The following MCPH1 variants were observed in gnomAD, a reference collection of about 807,000 sequenced individuals.
The protein encoded by MCPH1 is microcephalin.
A neutral mutation model predicts 84.5 loss-of-function variants in MCPH1; 104 were observed. The observed-to-expected ratio is 1.23, with a 90% CI of 1.05 to 1.45. The LOEUF (loss-of-function observed/expected upper bound fraction) is 1.45. Ranked by LOEUF, MCPH1 falls within the 40% of genes most tolerant of loss-of-function variation. The probability of loss-of-function intolerance (pLI) is 0.00; values close to 1 mark genes in which losing one functional copy is unlikely to be tolerated. For synonymous variants in MCPH1, 514 were observed against 366.8 expected (o/e 1.40, Z -4.58); for missense variants, 1,498 against 1,005.7 (o/e 1.49, Z -6.62).
intron 7 of MCPH1, among the ~76,000 whole-genome samples, chr8:6,443,318 A>G (rs764283930): frequency 3.9e-5 from 6 of 152,232 alleles, no homozygotes; most frequent in African/African-American, 9.6e-5. Flanking sequence ...ACATAAAACA[A>G]TTTTAGGTGC....
At chr8:6,590,591 G>C (rs1828379693) in intron 12 of MCPH1, among the ~76,000 whole-genome samples, 1 of 152,204 alleles carries the variant, frequency 6.6e-6, no homozygotes, top group Admixed American at 6.5e-5. Flanking sequence ...TTTTGTTATA[G>C]GGCTTGCTGG....
chr8:6,482,954 G>A (rs12679619), intron 11 of MCPH1, among the ~76,000 whole-genome samples: 15,391 of 152,192 alleles, frequency 0.1, 868 homozygotes, highest in South Asian at 0.18. Context: ...TAAAAGGCAT[G>A]TAGGTTAGAA....
Position 6,488,853 on chromosome 8 carries a change from CGAGGT to C in MCPH1, c.2136+7980_2136+7984del, listed in dbSNP as rs796783700. ...AGAAGCAGGAGGCAGCTAGGGTCAT[CGAGGT>C]GAAAAATGACTGCGGCTGTGTCTAG... On this transcript the variant is annotated intron_variant, in intron 11 of 13. Transcript: ENST00000344683. Among the ~76,000 whole-genome samples, 68 of 151,910 alleles carry C rather than the reference CGAGGT, an allele frequency of 4.5e-4. 3 individuals are homozygous for C. Among genetic ancestry groups the C allele is most frequent in the African/African-American group, 1.6e-3 (68 of 41,400 alleles).
At position 6,445,430 on chromosome 8, in the gene MCPH1, A is replaced by G; in HGVS notation, c.1708A>G (p.Ile570Val). Residue 570 changes from isoleucine (I) to valine (V), a missense_variant, in exon 8 of 14, where the codon ATA becomes GTA. Physicochemically the swap from Ile to Val is conservative, Grantham distance 29. Transcript: ENST00000344683. ...ACAGAACAAAGGTACCACTTCCAAA[A>G]TATCAAACTCCTCTGAAGGCGAAGC... Reference protein sequence around the residue: ...STQNKGTTSKISNSSEGEAQS... With the variant: ...STQNKGTTSKVSNSSEGEAQS... 6.2e-7 allele frequency: 1 copy of G among 1,614,264 alleles called. No individual in the cohort carries two copies. The highest frequency in any genetic ancestry group is 8.5e-7 in the Non-Finnish European group (1 of 1,180,050).
intron 12 of MCPH1, among the ~76,000 whole-genome samples, chr8:6,505,261 T>TG (rs1563305264): frequency 6.0e-5 from 7 of 116,680 alleles, no homozygotes; most frequent in East Asian, 2.3e-4. Context: ...TTATATATGT[T>TG]TTATATATAT....
intron 10 of MCPH1, among the ~76,000 whole-genome samples, chr8:6,479,710 A>C (rs2440392): frequency 6.6e-6 from 1 of 151,954 alleles, no homozygotes; most frequent in South Asian, 2.1e-4. Flanking sequence ...TGGGAGAGAG[A>C]GAAAACTAAT....
intron 4 of MCPH1, among the ~76,000 whole-genome samples, chr8:6,433,749 A>G (rs1412825513): frequency 6.6e-6 from 1 of 151,348 alleles, no homozygotes; most frequent in Non-Finnish European, 1.5e-5. Flanking sequence ...ACACTTTACC[A>G]CTTTAATTTT....
At chr8:6,625,370 C>G in intron 13 of MCPH1, 2 of 985,470 alleles carry the variant, frequency 2.0e-6, no homozygotes, top group Non-Finnish European at 2.4e-6. Context: ...GCCCCTTCGA[C>G]AAAGCACATT....
intron 11 of MCPH1, among the ~76,000 whole-genome samples, chr8:6,484,803 C>G (rs900156396): frequency 6.6e-6 from 1 of 152,196 alleles, no homozygotes; most frequent in African/African-American, 2.4e-5. Context: ...CTTTGTCATT[C>G]TAGACAAGGC....
At chr8:6,486,077 G>T (rs953975759) in intron 11 of MCPH1, among the ~76,000 whole-genome samples, 1 of 152,066 alleles carries the variant, frequency 6.6e-6, no homozygotes, top group African/African-American at 2.4e-5. Flanking sequence ...ATTTGAGAGA[G>T]GATAGTTGCC....
At position 6,444,664 on chromosome 8, in the gene MCPH1, C is replaced by T. The variant is rs746979032; in HGVS notation, c.942C>T (p.Asp314=). The T allele has an allele frequency of 1.6e-5, 26 of 1,613,910 alleles. No homozygotes were observed. The South Asian group carries it at 2.0e-4, about 12-fold the overall frequency. ...RNIAGKVVTP[D]QKQAAGMSQE... is the part of the protein sequence containing the mutation. ...TTGCAGGTAAAGTAGTCACCCCTGACCAAAAGCAGGCTGCAGGTATGTCTC... is the reference window on the plus strand; with the variant it reads ...TTGCAGGTAAAGTAGTCACCCCTGATCAAAAGCAGGCTGCAGGTATGTCTC... The change falls in exon 8 of 14, where the codon GAC becomes GAT. Residue 314 remains aspartate (D), a synonymous_variant. Transcript: ENST00000344683.
At chr8:6,451,640 G>T (rs1209916110) in intron 8 of MCPH1, among the ~76,000 whole-genome samples, 1 of 152,208 alleles carries the variant, frequency 6.6e-6, no homozygotes, top group East Asian at 1.9e-4. Flanking sequence ...CTCGTTAGCA[G>T]AGTTTTACTT....
intron 12 of MCPH1, chr8:6,617,292 T>G (rs1458092696): frequency 4.0e-5 from 6 of 150,354 alleles, no homozygotes; most frequent in Admixed American, 1.3e-4. Context: ...TTTTTTTGTT[T>G]TTTTTGAGGT....
rs1452913932 is a variant in MCPH1, at chr8:6,421,946, C to G, written c.233+7063C>G. 3.9e-5 allele frequency among the ~76,000 whole-genome samples: 6 copies of G among 152,334 alleles called. No homozygotes were observed. In the East Asian group the frequency reaches 1.2e-3, roughly 29 times the overall value. On this transcript the variant is annotated intron_variant, in intron 3 of 13. Transcript: ENST00000344683. ...CTGCCCCGTCTTCCTGATTCTAAAC[C>G]CAGTTTTGTAGTCAGCTCCTTTATA...
chr8:6,423,288 C>T (rs1375724234), intron 3 of MCPH1, among the ~76,000 whole-genome samples: 2 of 148,656 alleles, frequency 1.3e-5, no homozygotes, highest in Admixed American at 6.8e-5. Flanking sequence ...CCTCAGCCTC[C>T]TGAGTAGCTG....
At chr8:6,419,399 TTTTTTC>T (rs1377620800) in intron 3 of MCPH1, among the ~76,000 whole-genome samples, 1 of 150,602 alleles carries the variant, frequency 6.6e-6, no homozygotes, top group East Asian at 2.0e-4. Flanking sequence ...AAAAAATTTT[TTTTTTC>T]TTTTTTCTTT....
At chr8:6,572,591 C>T (rs1028559530) in intron 12 of MCPH1, among the ~76,000 whole-genome samples, 1 of 152,206 alleles carries the variant, frequency 6.6e-6, no homozygotes, top group Non-Finnish European at 1.5e-5. Context: ...GACCGACGTG[C>T]ACACACACAG....
chr8:6,491,603 C>T (rs187682195), intron 11 of MCPH1, among the ~76,000 whole-genome samples: 449 of 151,926 alleles, frequency 3.0e-3, no homozygotes, highest in African/African-American at 9.5e-3. Context: ...TTAGGTATAT[C>T]TCCTAATGCT....
rs1214995148 is a variant in MCPH1 at position 6,480,826 on chromosome 8, A to C, written c.2086A>C (p.Asn696His). Residue 696 changes from asparagine (N) to histidine (H), a missense_variant, in exon 11 of 14, where the codon AAT becomes CAT. Physicochemically the swap from Asn to His is moderately conservative, Grantham distance 68. Coordinates refer to ENST00000344683, the MANE Select transcript of MCPH1 (RefSeq NM_024596.5). ...VLSGKPLRTLNVLLGIARGCW... is the reference protein window; with the variant it reads ...VLSGKPLRTLHVLLGIARGCW... The stretch of plus-strand genomic sequence containing the variant: ...TTCCGGGAAGCCACTTCGCACCCTG[A>C]ATGTGCTGCTGGGAATTGCGCGTGG... The C allele has an allele frequency of 1.9e-6, 3 of 1,614,198 alleles. No individual in the cohort carries two copies. Among genetic ancestry groups the C allele is most frequent in the Non-Finnish European group, 2.5e-6 (3 of 1,180,034 alleles).
Sources: gnomAD v4.1 joint callset for allele counts (sites outside exome capture counted in the v4.1 genomes callset) on GRCh38, gnomAD v4.1.1 for gene constraint, MANE v1.5 for transcripts, NCBI Gene and HGNC (gene_info 2026-07-23, HGNC 2026-07-21) for gene names.